Variants in RAG1 observed in about 807,000 individuals in gnomAD.
RAG1 encodes V(D)J recombination-activating protein 1.
In RAG1, 35 loss-of-function variants were observed where a neutral mutation model predicts 62.7. That is an observed-to-expected ratio of 0.56 (90% CI 0.43 to 0.74). The LOEUF (loss-of-function observed/expected upper bound fraction) is 0.74. RAG1 is among the 30% of genes least tolerant of loss of function. RAG1 has a pLI of 0.00. For synonymous variants in RAG1, 461 were observed against 470.3 expected, an observed-to-expected ratio of 0.98 and a Z score of 0.26; for missense variants, 1,169 against 1,278.6, an observed-to-expected ratio of 0.91 and a Z score of 1.31.
At chr11:36,525,977 G>A (rs912738198) in intron 2 of RAG1, among the ~76,000 whole-genome samples, 4 of 152,150 alleles carry the variant, frequency 2.6e-5, no homozygotes, top group African/African-American at 9.7e-5. Context: ...TGTCAGAGTT[G>A]TTAGAATGGT....
intron 2 of RAG1, among the ~76,000 whole-genome samples, chr11:36,525,614 G>A (rs778511490): frequency 1.3e-5 from 2 of 151,778 alleles, no homozygotes; most frequent in Admixed American, 6.6e-5. Flanking sequence ...TACATGTTTC[G>A]TACGTGTTTT....
At chr11:36,567,958 G>T (rs2133287031), upstream of RAG1, 1 of 152,372 alleles carries the variant, frequency 6.6e-6, no homozygotes, top group East Asian at 1.9e-4. Context: ...GGTGGGGGAG[G>T]CTGGGAAGGA....
At chr11:36,526,641 C>T (rs1214629219) in intron 2 of RAG1, among the ~76,000 whole-genome samples, 1 of 152,136 alleles carries the variant, frequency 6.6e-6, no homozygotes, top group African/African-American at 2.4e-5. Context: ...GTTCTAGATC[C>T]TGGAGGAATT....
chr11:36,558,646 C>T (rs1025065436), intron 3 of RAG1, among the ~76,000 whole-genome samples: 1 of 152,284 alleles, frequency 6.6e-6, no homozygotes, highest in East Asian at 1.9e-4. Context: ...CACTTTTCAT[C>T]TATGTGTGTC....
chr11:36,566,046 T>C (rs535495408), upstream of RAG1, among the ~76,000 whole-genome samples: 1 of 152,176 alleles, frequency 6.6e-6, no homozygotes, highest in Admixed American at 6.5e-5. Flanking sequence ...GATGAAAAAT[T>C]GAGCAATACA....
intron 2 of RAG1, among the ~76,000 whole-genome samples, chr11:36,533,675 T>C (rs1860286765): frequency 6.6e-6 from 1 of 152,232 alleles, no homozygotes; most frequent in Non-Finnish European, 1.5e-5. Flanking sequence ...GAAAGTGTTT[T>C]GTTTCCCTTA....
Position 36,576,806 on chromosome 11 carries a change from G to T in RAG1, c.*370G>T, listed in dbSNP as rs569692485. On this transcript the variant is annotated 3_prime_UTR_variant, in exon 2 of 2. Transcript: ENST00000299440. The stretch of plus-strand genomic sequence containing the variant: ...TGAGGCCAGGAAAGAAATTGGTCTT[G>T]TGGTTTTCATTTTTTTCCCCCTTGA... The T allele has an allele frequency of 9.2e-4, 224 of 243,152 alleles. 1 individual carries two copies. Among genetic ancestry groups the T allele is most frequent in the Admixed American group, 9.2e-4 (18 of 19,660 alleles). 15.1% of individuals were successfully genotyped at this position (243,152 alleles called of 1,614,324 possible). A position where few individuals can be genotyped will look rare whatever the true frequency, so the allele number is the denominator to read the frequency against.
chr11:36,570,401 A>G (rs1000791685), intron 1 of RAG1, among the ~76,000 whole-genome samples: 1 of 152,204 alleles, frequency 6.6e-6, no homozygotes, highest in Non-Finnish European at 1.5e-5. Flanking sequence ...TAAAAGTTCT[A>G]TCTTCTACCA....
At position 36,574,087 on chromosome 11, in the gene RAG1, T is replaced by C. The variant is rs750759391; in HGVS notation, c.783T>C (p.Asp261=). 6.2e-7 allele frequency: 1 copy of C among 1,614,170 alleles called. No individual in the cohort carries two copies. The highest frequency in any genetic ancestry group is 1.1e-5 in the South Asian group (1 of 91,080). Residue 261 remains aspartate (D), a synonymous_variant, in exon 2 of 2, where the codon GAT becomes GAC. Transcript: ENST00000299440. The part of the protein sequence containing the change: ...RRAQARISSK[D]VMKKIANCSK... ...CTCAGGCAAGGATCAGCAGCAAGGA[T>C]GTCATGAAGAAGATCGCCAACTGCA...
rs772170562 is a variant in RAG1 at position 36,573,606 on chromosome 11, C to T, written c.302C>T (p.Ala101Val). The change falls in exon 2 of 2, where the codon GCG (alanine) becomes GTG (valine). Residue 101 changes from alanine (A) to valine (V), a missense_variant. Physicochemically the swap from Ala to Val is moderately conservative, Grantham distance 64. Transcript: ENST00000299440. ...GACAACGAGAAAGCAAGAGGCAAAG[C>T]GATCCATCAAGCCAACCTTCGACAT... is the stretch of plus-strand genomic sequence containing the variant. The part of the protein sequence containing the change: ...FHDNEKARGK[A>V]IHQANLRHLC... The T allele has an allele frequency of 6.2e-6, 10 of 1,614,048 alleles. No homozygotes were observed. The highest frequency in any genetic ancestry group is 5.9e-6 in the Non-Finnish European group (7 of 1,180,032).
At chr11:36,525,003 C>T (rs1054640380) in intron 2 of RAG1, among the ~76,000 whole-genome samples, 3 of 151,374 alleles carry the variant, frequency 2.0e-5, no homozygotes, top group African/African-American at 4.9e-5. Context: ...TTTCTTCCTT[C>T]CTTCTTTCTT....
rs558743338 is a variant in RAG1 at position 36,568,428 on chromosome 11, C to T, written c.-15+306C>T. Among the ~76,000 whole-genome samples the T allele has an allele frequency of 1.4e-4, 21 of 152,184 alleles. No homozygotes were observed. The East Asian group carries it at 4.1e-3, about 29-fold the overall frequency. ...AATCAGCAGAAGGTAAGGTGTGAGA[C>T]TCTTGGAAATGAATACTGGTAGTTC... On this transcript the variant is annotated intron_variant, in intron 1 of 1. Coordinates refer to ENST00000299440, the MANE Select transcript of RAG1 (RefSeq NM_000448.3).
chr11:36,531,908 A>AT (rs957569178), intron 2 of RAG1, among the ~76,000 whole-genome samples: 12 of 151,300 alleles, frequency 7.9e-5, no homozygotes, highest in East Asian at 7.7e-4. Context: ...AATGCTTCTA[A>AT]TTTTTTTTTC....
intron 1 of RAG1, among the ~76,000 whole-genome samples, chr11:36,569,245 T>C (rs1005595801): frequency 9.9e-5 from 15 of 152,162 alleles, no homozygotes; most frequent in Non-Finnish European, 2.2e-4. Flanking sequence ...AATGAATCTG[T>C]GCTGTGTGGA....
intron 2 of RAG1, among the ~76,000 whole-genome samples, chr11:36,528,377 C>T (rs1302124960): frequency 1.3e-5 from 2 of 152,130 alleles, no homozygotes; most frequent in East Asian, 1.9e-4. Flanking sequence ...ACTGAACCAC[C>T]TGCTCCTGAA....
chr11:36,550,625 T>C (rs1487573650), intron 3 of RAG1, among the ~76,000 whole-genome samples: 1 of 152,138 alleles, frequency 6.6e-6, no homozygotes, highest in Non-Finnish European at 1.5e-5. Flanking sequence ...CAGAGAAGCC[T>C]GTGAAGTTGG....
At chr11:36,570,879 T>A (rs1850729822) in intron 1 of RAG1, among the ~76,000 whole-genome samples, 1 of 152,222 alleles carries the variant, frequency 6.6e-6, no homozygotes, top group Non-Finnish European at 1.5e-5. Flanking sequence ...ATTAGATTGT[T>A]TCCTGTAGAG....
chr11:36,575,615 T>A lies in RAG1; in HGVS notation c.2311T>A (p.Ser771Thr), dbSNP rs377690758. 1 of 1,613,928 alleles carries A rather than the reference T, an allele frequency of 6.2e-7. No individual in the cohort carries two copies. The highest frequency in any genetic ancestry group is 8.5e-7 in the Non-Finnish European group (1 of 1,180,014). ...EVWRSNPYHE[S>T]VEELRDRVKG... ...CTGGCGTTCCAACCCTTACCATGAG[T>A]CTGTGGAAGAACTGCGGGATCGGGT... is the stretch of plus-strand genomic sequence containing the variant. The change falls in exon 2 of 2, where the codon TCT becomes ACT. Residue 771 changes from serine (S) to threonine (T), a missense_variant. This residue lies in a region of RAG1 where 800 missense variants were observed against 943.3 expected (regional missense o/e 0.85). Coordinates refer to ENST00000299440, the MANE Select transcript of RAG1 (RefSeq NM_000448.3). This position sits in a 1 kb window ranked among gnomAD's most constrained non-coding sequence, Gnocchi z 4.1.
At position 36,577,750 on chromosome 11, in the gene RAG1, C is replaced by G. The variant is rs1009932415; in HGVS notation, c.*1314C>G. 6.0e-6 allele frequency: 1 copy of G among 167,034 alleles called. No individual in the cohort carries two copies. Among genetic ancestry groups the G allele is most frequent in the African/African-American group, 2.4e-5 (1 of 41,442 alleles). 10.3% of individuals were successfully genotyped at this position (167,034 alleles called of 1,614,324 possible). On this transcript the variant is annotated 3_prime_UTR_variant, in exon 2 of 2. Transcript: ENST00000299440. ...CTTGGCTTGGAAATTTAACACAGTC[C>G]TTTTGTCTCCAAAGCCCTTCTTCTT...
Sources: allele counts gnomAD v4.1 joint callset (sites outside exome capture counted in the v4.1 genomes callset), GRCh38; gene constraint gnomAD v4.1.1; regional missense constraint gnomAD v4.1.1; non-coding constraint Gnocchi (gnomAD v3.1); transcripts MANE v1.5; gene names NCBI Gene and HGNC (gene_info 2026-07-23, HGNC 2026-07-21).